OTOGL: variants seen among roughly 807,000 people sequenced by gnomAD.
OTOGL encodes otogelin like.
In OTOGL, 285 loss-of-function variants were observed where a neutral mutation model predicts 318.5. The ratio of observed to expected loss-of-function variants is 0.89; its 90% CI spans 0.81 to 0.99. OTOGL has a LOEUF of 0.99. Ranked by LOEUF, OTOGL falls within the 50% of genes least tolerant of loss-of-function variation. OTOGL has a pLI of 0.00. For missense variants in OTOGL, 2,899 were observed against 2,845.6 expected, an observed-to-expected ratio of 1.02 and a Z score of -0.43; for synonymous variants, 987 against 936.5, an observed-to-expected ratio of 1.05 and a Z score of -0.99.
At chr12:80,249,474 C>CTCGGGGG (rs1269141598) in intron 11 of OTOGL, among the ~76,000 whole-genome samples, 2 of 151,476 alleles carry the variant, frequency 1.3e-5, no homozygotes, top group Non-Finnish European at 2.9e-5. Flanking sequence ...AGTTAGGCTG[C>CTCGGGGG]TCGGGGGTCA....
At chr12:80,119,609 C>A (rs1326028436) in intron 1 of OTOGL, among the ~76,000 whole-genome samples, 2 of 152,168 alleles carry the variant, frequency 1.3e-5, no homozygotes, top group Non-Finnish European at 2.9e-5. Context: ...CTTAACTTGA[C>A]CTTTCCCATC....
At chr12:80,314,450 C>G (rs1370517293) in intron 32 of OTOGL, 119 bp downstream of exon 32, 6 of 325,630 alleles carry the variant, frequency 1.8e-5, no homozygotes, top group Non-Finnish European at 2.8e-5. Context: ...AACTATATAA[C>G]TCCATAAAAG....
intron 7 of OTOGL, among the ~76,000 whole-genome samples, chr12:80,225,154 G>A (rs1413308433): frequency 2.0e-5 from 3 of 152,004 alleles, no homozygotes; most frequent in East Asian, 3.8e-4. Flanking sequence ...AAAATTTAGA[G>A]GTCTCTTTAG....
In OTOGL at chr12:80,153,312, C is replaced by G. The variant is rs539515484; in HGVS notation, c.-20+53707C>G. On this transcript the variant is annotated intron_variant, in intron 1 of 58. Transcript: ENST00000547103. ...GGAGCAAGGGAGTTCTTTGGAGTCT[C>G]TTTTATAAGGGCATTAATCCCATCC... is the stretch of plus-strand genomic sequence containing the variant. Among the ~76,000 whole-genome samples the G allele has an allele frequency of 3.2e-4, 48 of 152,248 alleles. 2 individuals carry two copies. The South Asian group carries it at 9.5e-3, about 30-fold the overall frequency.
chr12:80,268,653 T>G (rs1167184418), intron 22 of OTOGL, among the ~76,000 whole-genome samples: 1 of 152,136 alleles, frequency 6.6e-6, no homozygotes, highest in Non-Finnish European at 1.5e-5. Flanking sequence ...TTCGACTCTT[T>G]CCTCTTGCTC....
intron 1 of OTOGL, among the ~76,000 whole-genome samples, chr12:80,191,307 G>A (rs1875681596): frequency 6.6e-6 from 1 of 152,060 alleles, no homozygotes; most frequent in Admixed American, 6.6e-5. Flanking sequence ...GCGCGGGGGT[G>A]GGCAGCTGTA....
Position 80,370,600 on chromosome 12 carries a change from A to G in OTOGL, c.6646A>G (p.Thr2216Ala). The change falls in exon 56 of 59, where the codon ACA becomes GCA. Residue 2216 changes from threonine to alanine, a missense_variant. By Grantham distance (58) the Thr-to-Ala change is moderately conservative. This residue lies in a region of OTOGL where 289 missense variants were observed against 304.6 expected (regional missense o/e 0.95). Coordinates refer to ENST00000547103, the MANE Select transcript of OTOGL (RefSeq NM_001378609.3). ...VGSTWHYNCT[T>A]YECVKTDEGA... is the part of the protein sequence containing the mutation. ...GAGTACCTGGCACTACAATTGCACC[A>G]CATATGAATGTGTTAAAACTGATGA... 1 of 1,573,854 alleles carries G rather than the reference A, an allele frequency of 6.4e-7. No homozygotes were observed. Among genetic ancestry groups the G allele is most frequent in the Admixed American group, 1.8e-5 (1 of 55,202 alleles).
chr12:80,150,603 A>G (rs1172065833), intron 1 of OTOGL, among the ~76,000 whole-genome samples: 1 of 152,356 alleles, frequency 6.6e-6, no homozygotes, highest in African/African-American at 2.4e-5. Flanking sequence ...TGGAGCAAAG[A>G]AAACTCAAAA....
intron 1 of OTOGL, among the ~76,000 whole-genome samples, chr12:80,160,887 A>C (rs1403600134): frequency 1.3e-5 from 2 of 152,086 alleles, no homozygotes; most frequent in African/African-American, 4.8e-5. Flanking sequence ...TATACAATGG[A>C]ATACTACTCA....
chr12:80,237,501 A>G (rs1879972366), intron 9 of OTOGL, among the ~76,000 whole-genome samples: 1 of 152,278 alleles, frequency 6.6e-6, no homozygotes. Flanking sequence ...ATTTTAGGAA[A>G]GAGTGGTTTT....
chr12:80,368,890 C>T (rs1458837471), intron 55 of OTOGL, among the ~76,000 whole-genome samples: 1 of 150,182 alleles, frequency 6.7e-6, no homozygotes, highest in African/African-American at 2.5e-5. Context: ...GAGGTATCAA[C>T]AGATTAGCAT....
At chr12:80,331,333 A>ATTTTTTTTTTTTTTTTTTTTTTTTTTT (rs386377119) in intron 37 of OTOGL, among the ~76,000 whole-genome samples, 3 of 81,816 alleles carry the variant, frequency 3.7e-5, no homozygotes, top group African/African-American at 4.8e-5. Flanking sequence ...AGTCATTAGA[A>ATTTTTTTTTTTTTTTTTTTTTTTTTTT]TTTTTTTTTT....
intron 1 of OTOGL, among the ~76,000 whole-genome samples, chr12:80,121,980 C>G (rs886460633): frequency 6.6e-6 from 1 of 152,008 alleles, no homozygotes; most frequent in Non-Finnish European, 1.5e-5. Flanking sequence ...GTTGTAAACA[C>G]GAGAAAGAGA....
rs767258134 is a variant in OTOGL at position 80,279,028 on chromosome 12, C to A, written c.2790C>A (p.Cys930Ter). Residue 930 changes from cysteine to a stop codon, truncating the protein, a stop_gained and splice_region_variant, in exon 26 of 59, where the codon TGC (cysteine) becomes TGA (stop). Coordinates refer to ENST00000547103, the MANE Select transcript of OTOGL (RefSeq NM_001378609.3). LOFTEE classifies it high-confidence loss of function. ...GGTAACTTTTGTTATTTTTTAATAG[C>A]GTTTGTCGACGAGGAATGTTCAATT... ...GEVIATPCYT[C>*]VCRRGMFNCT... 1.3e-6 allele frequency: 2 copies of A among 1,532,806 alleles called. No individual in the cohort carries two copies. The highest frequency in any genetic ancestry group is 1.8e-6 in the Non-Finnish European group (2 of 1,137,470). The allele number at this position is 1,532,806 out of a possible 1,614,324, so 95.0% of individuals were successfully genotyped here.
rs954704193 is a variant in OTOGL, at chr12:80,218,775, CT to C, written c.236-1030del. On this transcript the variant is annotated intron_variant, in intron 5 of 58. Transcript: ENST00000547103. ...TTCATCAAAATTTAAGTATAGATTT[CT>C]TTTTTTTTCTTTTTCTTTCTTTTTT... Among the ~76,000 whole-genome samples, 6 of 137,912 alleles carry C rather than the reference CT, an allele frequency of 4.4e-5. No individual in the cohort carries two copies. The East Asian group carries it at 6.2e-4, about 14-fold the overall frequency. The allele number at this position is 137,912 out of a possible 152,430, so 90.5% of individuals were successfully genotyped here.
At chr12:80,169,575 A>G (rs1412146887) in intron 1 of OTOGL, among the ~76,000 whole-genome samples, 1 of 152,138 alleles carries the variant, frequency 6.6e-6, no homozygotes, top group African/African-American at 2.4e-5. Flanking sequence ...ATGCAGTTTT[A>G]TGAGTTGTGA....
chr12:80,124,959 A>C (rs550541465), intron 1 of OTOGL, among the ~76,000 whole-genome samples: 1 of 152,326 alleles, frequency 6.6e-6, no homozygotes, highest in Non-Finnish European at 1.5e-5. Flanking sequence ...GGGGTTTTCT[A>C]GATACACAAT....
At chr12:80,343,801 G>T (rs1888993313) in intron 44 of OTOGL, 1 of 152,042 alleles carries the variant, frequency 6.6e-6, no homozygotes. Context: ...CGGTTTTTCT[G>T]AATATTTTTC....
At chr12:80,365,857 T>C (rs1046790746) in intron 52 of OTOGL, among the ~76,000 whole-genome samples, 2 of 152,262 alleles carry the variant, frequency 1.3e-5, no homozygotes, top group African/African-American at 2.4e-5. Flanking sequence ...ACTAAATGCA[T>C]CCAGGAAAAG....
Sources: allele counts gnomAD v4.1 joint callset (sites outside exome capture counted in the v4.1 genomes callset), GRCh38; gene constraint gnomAD v4.1.1; regional missense constraint gnomAD v4.1.1; transcripts MANE v1.5; gene names NCBI Gene and HGNC (gene_info 2026-07-23, HGNC 2026-07-21).